RHBDD1: variants seen among roughly 807,000 people sequenced by gnomAD.
RHBDD1 encodes rhomboid-related protein 4.
RHBDD1 carries 38 observed loss-of-function variants against 36.3 expected under a neutral mutation model. The ratio of observed to expected loss-of-function variants is 1.05; its 90% confidence interval spans 0.81 to 1.37. The LOEUF is 1.37. Among genes scored for constraint, RHBDD1 ranks in the 40% most tolerant of loss-of-function variants. The pLI is 0.00. For missense variants in RHBDD1, 393 were observed against 377.6 expected (o/e 1.04, Z -0.34); for synonymous variants, 151 against 136.5 (o/e 1.11, Z -0.74).
chr2:226,813,740 A>G, the RHBDD1 span, among the ~76,000 whole-genome samples: 1 of 152,208 alleles, frequency 6.6e-6, no homozygotes, highest in African/African-American at 2.4e-5. Context: ...TCAGTGCTCA[A>G]TAAATATTAG....
chr2:226,874,649 G>A (rs1945068016), intron 5 of RHBDD1, among the ~76,000 whole-genome samples: 1 of 152,122 alleles, frequency 6.6e-6, no homozygotes, highest in African/African-American at 2.4e-5. Flanking sequence ...GGACACTTGT[G>A]ATTGCATTTA....
chr2:226,969,942 G>A (rs1349518012), intron 8 of RHBDD1, among the ~76,000 whole-genome samples: 1 of 151,716 alleles, frequency 6.6e-6, no homozygotes, highest in East Asian at 2.0e-4. Flanking sequence ...CTGGTGTACT[G>A]GAATAACACA....
intron 3 of RHBDD1, among the ~76,000 whole-genome samples, chr2:226,858,657 C>G (rs1304060288): frequency 6.6e-6 from 1 of 152,042 alleles, no homozygotes. Flanking sequence ...TTTCTTTTCC[C>G]TTTTTACTCC....
At chr2:226,815,543 T>C in the RHBDD1 span, among the ~76,000 whole-genome samples, 1 of 152,228 alleles carries the variant, frequency 6.6e-6, no homozygotes, top group East Asian at 1.9e-4. Context: ...TAAAAGTATT[T>C]TAGACAGTTT....
At chr2:226,907,130 C>G (rs774469670) in intron 6 of RHBDD1, 3 of 560,598 alleles carry the variant, frequency 5.4e-6, no homozygotes, top group African/African-American at 1.9e-5. Context: ...TATTTATACC[C>G]TCAACCTTAA....
chr2:226,842,769 G>A (rs952796903), intron 3 of RHBDD1, among the ~76,000 whole-genome samples: 1 of 152,108 alleles, frequency 6.6e-6, no homozygotes, highest in Non-Finnish European at 1.5e-5. Context: ...GGCTACTTGG[G>A]CTCTTTTTGA....
chr2:226,837,447 A>G (rs1309006176), intron 1 of RHBDD1: 2 of 152,210 alleles, frequency 1.3e-5, no homozygotes, highest in African/African-American at 4.8e-5. Context: ...AAGTTAAAGC[A>G]GTGCATACTA....
chr2:226,971,259 C>T (rs577923856), intron 8 of RHBDD1, among the ~76,000 whole-genome samples: 79 of 152,246 alleles, frequency 5.2e-4, no homozygotes, highest in African/African-American at 1.8e-3. Context: ...TTACTAAATG[C>T]TTGTTGGTGA....
chr2:226,863,227 T>C (rs933269096), intron 3 of RHBDD1, among the ~76,000 whole-genome samples: 1 of 152,116 alleles, frequency 6.6e-6, no homozygotes, highest in Non-Finnish European at 1.5e-5. Flanking sequence ...TAATCCCAGC[T>C]ACTCAGGAGG....
chr2:226,942,466 C>T, intron 8 of RHBDD1: 1 of 289,824 alleles, frequency 3.5e-6, no homozygotes, highest in Non-Finnish European at 6.8e-6. Flanking sequence ...GTCTTGATCT[C>T]CTGACCTCAT....
chr2:226,896,502 T>C (rs1019316462), intron 5 of RHBDD1, among the ~76,000 whole-genome samples: 1 of 152,182 alleles, frequency 6.6e-6, no homozygotes, highest in Non-Finnish European at 1.5e-5. Flanking sequence ...TGTAATCCAC[T>C]GCCACCACCT....
At position 226,927,241 on chromosome 2, in the gene RHBDD1, GTTTA is replaced by G. The variant is rs372293410; in HGVS notation, c.856+12894_856+12897del. The stretch of plus-strand genomic sequence containing the variant: ...GGTCGTACTTCTTTCCCTGAGCAAA[GTTTA>G]TTTGTTATTCATCTCTTTCTATTAA... On this transcript the variant is annotated intron_variant, in intron 8 of 8. Transcript: ENST00000392062. 2.7e-3 allele frequency among the ~76,000 whole-genome samples: 404 copies of G among 152,048 alleles called. 4 individuals are homozygous for G. The South Asian group carries it at 0.042, about 16-fold the overall frequency.
At position 226,903,771 on chromosome 2, in the gene RHBDD1, A is replaced by G. The variant is rs530320496; in HGVS notation, c.567-3022A>G. Among the ~76,000 whole-genome samples the G allele has an allele frequency of 5.3e-5, 8 of 152,228 alleles. No homozygotes were observed. The East Asian group carries it at 1.4e-3, about 26-fold the overall frequency. On this transcript the variant is annotated intron_variant, in intron 5 of 8. Coordinates refer to ENST00000392062, the MANE Select transcript of RHBDD1 (RefSeq NM_001167608.3). ...CTGTTTTTGCATCCAAAAGCTGCCT[A>G]TTGGCCCACCACACCCCCCTCTCCT...
At chr2:226,844,284 C>CCCCCCGG (rs1941982673) in intron 3 of RHBDD1, among the ~76,000 whole-genome samples, 1 of 151,700 alleles carries the variant, frequency 6.6e-6, no homozygotes, top group Non-Finnish European at 1.5e-5. Flanking sequence ...CTGCCCCCCG[C>CCCCCCGG]CCCCCGGCCC....
intron 5 of RHBDD1, among the ~76,000 whole-genome samples, chr2:226,869,548 C>G (rs1944615663): frequency 6.6e-6 from 1 of 152,126 alleles, no homozygotes; most frequent in Non-Finnish European, 1.5e-5. Flanking sequence ...ATGGGCTGCC[C>G]TTCGGGAGGA....
At chr2:226,911,541 CTTTTTT>C (rs869309466) in intron 7 of RHBDD1, among the ~76,000 whole-genome samples, 1 of 71,436 alleles carries the variant, frequency 1.4e-5, no homozygotes, top group African/African-American at 4.5e-5. Flanking sequence ...TGTGAAAGTT[CTTTTTT>C]TTTTTTTTTT....
intron 7 of RHBDD1, among the ~76,000 whole-genome samples, chr2:226,913,457 G>A (rs4675121): frequency 0.43 from 65,073 of 151,884 alleles, 13,995 homozygotes; most frequent in South Asian, 0.52. Context: ...GCAGTTAAAG[G>A]AAATGTAAGG....
intron 6 of RHBDD1, among the ~76,000 whole-genome samples, chr2:226,908,051 A>G (rs1339209299): frequency 6.6e-6 from 1 of 152,222 alleles, no homozygotes; most frequent in Non-Finnish European, 1.5e-5. Context: ...TCCCCTAATT[A>G]TAATATTTAA....
intron 3 of RHBDD1, among the ~76,000 whole-genome samples, chr2:226,844,325 G>A (rs530065275): frequency 3.3e-5 from 5 of 151,556 alleles, no homozygotes; most frequent in Non-Finnish European, 7.4e-5. Flanking sequence ...ATGGGAGTGG[G>A]AGACAGATTC....
Sources: gnomAD v4.1 joint callset for allele counts (sites outside exome capture counted in the v4.1 genomes callset) on GRCh38, gnomAD v4.1.1 for gene constraint, MANE v1.5 for transcripts, NCBI Gene and HGNC (gene_info 2026-07-23, HGNC 2026-07-21) for gene names.